Variants in MAPK8 observed in about 807,000 individuals in gnomAD.
MAPK8 encodes mitogen-activated protein kinase 8.
MAPK8 carries 13 observed loss-of-function variants against 52.9 expected under a neutral mutation model. The ratio of observed to expected loss-of-function variants is 0.25; its 90% CI spans 0.16 to 0.39. The LOEUF is 0.39. Ranked by LOEUF, MAPK8 falls within the 10% of genes least tolerant of loss-of-function variation. The pLI, the probability that MAPK8 is intolerant of heterozygous loss-of-function variation, is 1.00. For missense variants in MAPK8, 300 were observed against 519.2 expected (o/e 0.58, Z 4.10); for synonymous variants, 191 against 169.8 (o/e 1.12, Z -0.97).
Position 48,424,286 on chromosome 10 carries a change from T to C in MAPK8, c.688+127T>C, listed in dbSNP as rs999481340. ...ACAGGCATAAAGTTTGTGGCTATTA[T>C]AGTTCAAAAATTGTTGAGATAAGAA... On this transcript the variant is annotated intron_variant, in intron 7 of 11. Transcript: ENST00000374189. The C allele has an allele frequency of 1.1e-5, 10 of 892,064 alleles. No homozygotes were observed. The East Asian group carries it at 1.3e-4, about 11-fold the overall frequency. 55.3% of individuals were successfully genotyped at this position (892,064 alleles called of 1,614,324 possible). A position where few individuals can be genotyped will look rare whatever the true frequency, so the allele number is the denominator to read the frequency against.
At chr10:48,398,588 G>A (rs1589185749) in intron 1 of MAPK8, among the ~76,000 whole-genome samples, 1 of 152,096 alleles carries the variant, frequency 6.6e-6, no homozygotes, top group Non-Finnish European at 1.5e-5. Context: ...ATAATTAAAC[G>A]AAGATGAATG....
At chr10:48,386,509 T>C (rs566995028) in intron 1 of MAPK8, among the ~76,000 whole-genome samples, 1 of 152,232 alleles carries the variant, frequency 6.6e-6, no homozygotes, top group African/African-American at 2.4e-5. Flanking sequence ...ATAATCTACA[T>C]GCAGTTGAGC....
intron 1 of MAPK8, among the ~76,000 whole-genome samples, chr10:48,356,457 G>A (rs1280507712): frequency 6.6e-6 from 1 of 152,166 alleles, no homozygotes; most frequent in Non-Finnish European, 1.5e-5. Context: ...AAAACAACGT[G>A]ATGGATATAA....
intron 5 of MAPK8, among the ~76,000 whole-genome samples, chr10:48,413,858 T>A (rs1162270794): frequency 1.5e-5 from 2 of 133,648 alleles, no homozygotes; most frequent in African/African-American, 2.7e-5. Context: ...TATATATATA[T>A]ATTCAGAAAT....
intron 1 of MAPK8, among the ~76,000 whole-genome samples, chr10:48,379,698 A>G (rs1283850598): frequency 3.3e-5 from 5 of 152,204 alleles, no homozygotes; most frequent in Non-Finnish European, 7.3e-5. Context: ...GTCCTCTATC[A>G]GTTCAGTCCC....
intron 10 of MAPK8, 57 bp downstream of exon 10, chr10:48,427,200 G>A: frequency 7.8e-7 from 1 of 1,287,742 alleles, no homozygotes; most frequent in Non-Finnish European, 1.1e-6. Flanking sequence ...GTTTTTATAT[G>A]GTGATTTATT....
At chr10:48,315,801 T>A (rs1842442649) in intron 1 of MAPK8, among the ~76,000 whole-genome samples, 1 of 151,900 alleles carries the variant, frequency 6.6e-6, no homozygotes, top group Admixed American at 6.6e-5. Context: ...CTTTTTTGTT[T>A]CCTTTGATTT....
chr10:48,428,974 A>G (rs1477683046), intron 10 of MAPK8, among the ~76,000 whole-genome samples: 1 of 148,656 alleles, frequency 6.7e-6, no homozygotes, highest in Non-Finnish European at 1.5e-5. Context: ...GGTGTGATCC[A>G]CTGCACTTGG....
chr10:48,347,088 C>T (rs910999141), intron 1 of MAPK8, among the ~76,000 whole-genome samples: 5 of 152,132 alleles, frequency 3.3e-5, no homozygotes, highest in Admixed American at 1.3e-4. Context: ...GTCTTTATTT[C>T]TACACTCTCT....
At chr10:48,371,876 C>T (rs1848559340) in intron 1 of MAPK8, among the ~76,000 whole-genome samples, 1 of 152,062 alleles carries the variant, frequency 6.6e-6, no homozygotes, top group African/African-American at 2.4e-5. Context: ...CACAGAAATA[C>T]TTACATTTAT....
At chr10:48,383,249 C>G (rs2041118562) in intron 1 of MAPK8, among the ~76,000 whole-genome samples, 1 of 152,024 alleles carries the variant, frequency 6.6e-6, no homozygotes, top group Admixed American at 6.6e-5. Context: ...ACCCCAAAGA[C>G]AGTTTAAATA....
intron 1 of MAPK8, among the ~76,000 whole-genome samples, chr10:48,321,254 A>G (rs992906975): frequency 2.0e-5 from 3 of 151,790 alleles, no homozygotes; most frequent in African/African-American, 4.8e-5. Context: ...TGCCCTGCTA[A>G]TTTTTAAAAT....
At chr10:48,353,004 A>T (rs529571170) in intron 1 of MAPK8, among the ~76,000 whole-genome samples, 1 of 147,840 alleles carries the variant, frequency 6.8e-6, no homozygotes, top group Non-Finnish European at 1.5e-5. Flanking sequence ...TGGAATTGCT[A>T]AAAAAAAAGT....
chr10:48,406,182 C>T (rs866055340), intron 3 of MAPK8, among the ~76,000 whole-genome samples: 9 of 152,154 alleles, frequency 5.9e-5, no homozygotes, highest in Admixed American at 1.3e-4. Flanking sequence ...GGAAGAATGA[C>T]GTAAAAAAGG....
At position 48,378,181 on chromosome 10, in the gene MAPK8, C is replaced by G. The variant is rs577190621; in HGVS notation, c.-49-23431C>G. Reference sequence around the variant, plus strand: ...ATCTAAGTGTCATGATGTCCCTTGTCACCAGGAAGTCTCACTCCCAGGTAG... The same window carrying G: ...ATCTAAGTGTCATGATGTCCCTTGTGACCAGGAAGTCTCACTCCCAGGTAG... On this transcript the variant is annotated intron_variant, in intron 1 of 11. Coordinates refer to ENST00000374189, the MANE Select transcript of MAPK8 (RefSeq NM_001323329.2). Among the ~76,000 whole-genome samples, 13 of 152,294 alleles carry G rather than the reference C, an allele frequency of 8.5e-5. No homozygotes were observed. The South Asian group carries it at 1.0e-3, about 12-fold the overall frequency.
chr10:48,364,766 A>G (rs1469260420), intron 1 of MAPK8, among the ~76,000 whole-genome samples: 1 of 152,226 alleles, frequency 6.6e-6, no homozygotes, highest in African/African-American at 2.4e-5. Context: ...AATATCAACT[A>G]GTTGGATACT....
intron 1 of MAPK8, among the ~76,000 whole-genome samples, chr10:48,392,528 CT>C (rs1223677664): frequency 6.6e-6 from 1 of 151,868 alleles, no homozygotes; most frequent in Non-Finnish European, 1.5e-5. Flanking sequence ...TTTGATGATA[CT>C]TTTTTATGGT....
intron 1 of MAPK8, among the ~76,000 whole-genome samples, chr10:48,326,851 A>G (rs902496087): frequency 2.0e-5 from 3 of 152,148 alleles, no homozygotes; most frequent in Admixed American, 2.0e-4. Context: ...TTATTTACTT[A>G]GTTGTTCAAT....
At chr10:48,350,063 C>A (rs1307811801) in intron 1 of MAPK8, among the ~76,000 whole-genome samples, 1 of 152,088 alleles carries the variant, frequency 6.6e-6, no homozygotes, top group Non-Finnish European at 1.5e-5. Context: ...CAAGACTAAA[C>A]CAGGAAAAAG....
Sources: allele counts gnomAD v4.1 joint callset (sites outside exome capture counted in the v4.1 genomes callset), GRCh38; gene constraint gnomAD v4.1.1; transcripts MANE v1.5; gene names NCBI Gene and HGNC (gene_info 2026-07-23, HGNC 2026-07-21).